The following VEPH1 variants were observed in gnomAD, a reference collection of about 807,000 sequenced individuals.
The protein encoded by VEPH1 is ventricular zone expressed PH domain containing 1, also known as ventricular zone-expressed PH domain-containing protein homolog 1.
A neutral mutation model predicts 85.2 loss-of-function variants in VEPH1; 80 were observed. The observed-to-expected ratio is 0.94, with a 90% CI of 0.78 to 1.13. The LOEUF is 1.13. Among genes scored for constraint, VEPH1 ranks in the 50% most tolerant of loss-of-function variants. The pLI is 0.00. For missense variants in VEPH1, 955 were observed against 980.5 expected, an observed-to-expected ratio of 0.97 and a Z score of 0.35; for synonymous variants, 297 against 348.0, an observed-to-expected ratio of 0.85 and a Z score of 1.63.
At chr3:157,309,182 G>A (rs372590212) in intron 11 of VEPH1, among the ~76,000 whole-genome samples, 22 of 152,050 alleles carry the variant, frequency 1.4e-4, no homozygotes, top group South Asian at 8.3e-4. Flanking sequence ...CAAGATCCCT[G>A]CTCTCATGGA....
chr3:157,470,551 A>C (rs769489571), intron 2 of VEPH1, 22 bp from the exon 3 acceptor site: 11 of 1,605,264 alleles, frequency 6.9e-6, no homozygotes, highest in Non-Finnish European at 8.5e-6. Context: ...GAAAATCTTC[A>C]TGTTAAATAA....
At chr3:157,485,792 AG>A (rs1262221287) in intron 2 of VEPH1, among the ~76,000 whole-genome samples, 17 of 152,082 alleles carry the variant, frequency 1.1e-4, no homozygotes, top group African/African-American at 4.1e-4. Flanking sequence ...TGACATAGAA[AG>A]GTAAAAGTAA....
At chr3:157,421,745 G>A (rs541183838) in intron 5 of VEPH1, among the ~76,000 whole-genome samples, 155 of 152,286 alleles carry the variant, frequency 1.0e-3, no homozygotes, top group African/African-American at 3.4e-3. Flanking sequence ...AACAGAGCAC[G>A]AAGAGCCGAG....
At chr3:157,403,240 C>CA (rs60742690) in intron 6 of VEPH1, among the ~76,000 whole-genome samples, 2,094 of 150,124 alleles carry the variant, frequency 0.014, 48 homozygotes, top group African/African-American at 0.048. Context: ...ACTTGAGCTA[C>CA]AAAAAAAAAT....
At chr3:157,363,216 A>C (rs1241694544) in intron 9 of VEPH1, 148 bp downstream of exon 9, 5 of 766,744 alleles carry the variant, frequency 6.5e-6, no homozygotes, top group South Asian at 3.2e-5. Flanking sequence ...AAAAAAAAAA[A>C]AACTAACATA....
intron 6 of VEPH1, among the ~76,000 whole-genome samples, chr3:157,411,586 G>A (rs1000216420): frequency 1.3e-5 from 2 of 152,112 alleles, no homozygotes; most frequent in Admixed American, 1.3e-4. Flanking sequence ...TGACTTAGTA[G>A]GCATTCTATG....
At chr3:157,473,099 G>T (rs1737126149) in intron 2 of VEPH1, among the ~76,000 whole-genome samples, 1 of 117,708 alleles carries the variant, frequency 8.5e-6, no homozygotes, top group Non-Finnish European at 1.6e-5. Context: ...TTTTGATGGA[G>T]TCTCACTCTG....
intron 11 of VEPH1, among the ~76,000 whole-genome samples, chr3:157,300,533 A>T (rs952155476): frequency 2.0e-5 from 3 of 152,226 alleles, no homozygotes; most frequent in Non-Finnish European, 4.4e-5. Context: ...AATTTGTTAA[A>T]AAAGCATATG....
chr3:157,331,796 A>G (rs1722531863), intron 9 of VEPH1, among the ~76,000 whole-genome samples: 1 of 152,186 alleles, frequency 6.6e-6, no homozygotes, highest in Non-Finnish European at 1.5e-5. Context: ...CTGAAACTTT[A>G]TCAACATTGT....
chr3:157,369,945 G>A (rs1240933547), intron 7 of VEPH1, among the ~76,000 whole-genome samples: 2 of 152,106 alleles, frequency 1.3e-5, no homozygotes, highest in South Asian at 2.1e-4. Context: ...AGTGGATTGG[G>A]CTCACTTAGG....
At chr3:157,463,796 C>A (rs542641497) in intron 3 of VEPH1, among the ~76,000 whole-genome samples, 2 of 152,302 alleles carry the variant, frequency 1.3e-5, no homozygotes, top group African/African-American at 4.8e-5. Context: ...TTCACATTTT[C>A]AGGATACCTA....
At chr3:157,485,799 A>C (rs997991382) in intron 2 of VEPH1, among the ~76,000 whole-genome samples, 13 of 152,074 alleles carry the variant, frequency 8.5e-5, no homozygotes, top group African/African-American at 2.9e-4. Flanking sequence ...GAAAGGTAAA[A>C]GTAAAAAGAC....
At chr3:157,422,498 G>A (rs1395496470) in intron 5 of VEPH1, among the ~76,000 whole-genome samples, 3 of 152,138 alleles carry the variant, frequency 2.0e-5, no homozygotes, top group Non-Finnish European at 4.4e-5. Flanking sequence ...CTGCCTGCTG[G>A]GACCAGCACT....
At chr3:157,471,247 A>G in intron 2 of VEPH1, among the ~76,000 whole-genome samples, 1 of 152,186 alleles carries the variant, frequency 6.6e-6, no homozygotes, top group Middle Eastern at 3.2e-3. Flanking sequence ...GAGATTAGAG[A>G]TGGGAAGTGA....
At chr3:157,321,740 CT>C (rs1217586665) in intron 9 of VEPH1, among the ~76,000 whole-genome samples, 5 of 152,016 alleles carry the variant, frequency 3.3e-5, no homozygotes, top group African/African-American at 1.2e-4. Flanking sequence ...AGTTTCTTAT[CT>C]TTAAAGTGGG....
At chr3:157,465,205 T>C (rs1398603935) in intron 3 of VEPH1, among the ~76,000 whole-genome samples, 2 of 152,116 alleles carry the variant, frequency 1.3e-5, no homozygotes, top group East Asian at 1.9e-4. Flanking sequence ...CAAATATTAT[T>C]TGAGCACCTA....
At chr3:157,304,683 G>A (rs1175163641) in intron 11 of VEPH1, among the ~76,000 whole-genome samples, 1 of 151,956 alleles carries the variant, frequency 6.6e-6, no homozygotes, top group Non-Finnish European at 1.5e-5. Flanking sequence ...AATTATCTTA[G>A]AATCTATTTT....
At chr3:157,292,705 C>T (rs1186178993) in intron 11 of VEPH1, among the ~76,000 whole-genome samples, 13 of 147,606 alleles carry the variant, frequency 8.8e-5, no homozygotes, top group Admixed American at 8.1e-4. Flanking sequence ...AAAAAGAGGC[C>T]GGGTGCAGTG....
intron 7 of VEPH1, among the ~76,000 whole-genome samples, chr3:157,378,336 AT>A (rs1560010546): frequency 1.4e-5 from 1 of 70,924 alleles, no homozygotes; most frequent in Non-Finnish European, 3.5e-5. Flanking sequence ...ATATATATAT[AT>A]ATATATATAT....
Sources: allele counts gnomAD v4.1 joint callset (sites outside exome capture counted in the v4.1 genomes callset), GRCh38; gene constraint gnomAD v4.1.1; transcripts MANE v1.5; gene names NCBI Gene and HGNC (gene_info 2026-07-23, HGNC 2026-07-21).